The following PLPP4 variants were observed in gnomAD, a reference collection of about 807,000 sequenced individuals.
The protein encoded by PLPP4 is diacylglycerol pyrophosphate like 2.
Under a neutral mutation model 32.2 loss-of-function variants are expected in PLPP4, and 20 were observed. The observed-to-expected ratio is 0.62, with a 90% CI of 0.44 to 0.90. The LOEUF (loss-of-function observed/expected upper bound fraction) is 0.90, where lower values mean the gene tolerates loss of function less well. PLPP4 is among the 40% of genes least tolerant of loss of function. The pLI is 0.00. For synonymous variants in PLPP4, 127 were observed against 133.0 expected (o/e 0.95, Z 0.31); for missense variants, 257 against 353.1 (o/e 0.73, Z 2.18).
intron 5 of PLPP4, among the ~76,000 whole-genome samples, chr10:120,570,879 A>G (rs1160426420): frequency 6.6e-6 from 1 of 152,202 alleles, no homozygotes; most frequent in African/African-American, 2.4e-5. Context: ...GCCAGTGAGC[A>G]TCACCAAGTG....
At chr10:120,522,956 A>G (rs540213348) in intron 5 of PLPP4, among the ~76,000 whole-genome samples, 3 of 152,388 alleles carry the variant, frequency 2.0e-5, no homozygotes, top group Admixed American at 6.5e-5. Context: ...AGATGAGATC[A>G]TTCTGGATTT....
Position 120,498,490 on chromosome 10 carries a change from G to A in PLPP4, c.57-5328G>A, listed in dbSNP as rs368557352. ...TCCATGCCTCCTACTCATGTAAGGC[G>A]GTTTATTTTTGGTCATCAAACCTAA... On this transcript the variant is annotated intron_variant, in intron 1 of 6. Transcript: ENST00000398250. Among the ~76,000 whole-genome samples, 144 of 152,122 alleles carry A rather than the reference G, an allele frequency of 9.5e-4. 2 individuals carry two copies. In the South Asian group the frequency reaches 0.024, roughly 26 times the overall value.
chr10:120,495,351 A>T (rs1023160193), intron 1 of PLPP4, among the ~76,000 whole-genome samples: 2 of 152,184 alleles, frequency 1.3e-5, no homozygotes, highest in African/African-American at 4.8e-5. Flanking sequence ...GCTGGCCCAC[A>T]GGCTTACAGA....
chr10:120,540,955 A>T (rs1847312075), intron 5 of PLPP4, among the ~76,000 whole-genome samples: 1 of 152,222 alleles, frequency 6.6e-6, no homozygotes, highest in African/African-American at 2.4e-5. Flanking sequence ...CAGACCATGT[A>T]GAGCATTTTA....
At chr10:120,552,168 GTGT>G (rs1847935630) in intron 5 of PLPP4, among the ~76,000 whole-genome samples, 8 of 40,338 alleles carry the variant, frequency 2.0e-4, no homozygotes, top group Non-Finnish European at 4.2e-4. Flanking sequence ...GTGGTGGGGT[GTGT>G]GTGTGTGTGT....
chr10:120,496,035 C>T (rs1844948040), intron 1 of PLPP4, among the ~76,000 whole-genome samples: 1 of 152,122 alleles, frequency 6.6e-6, no homozygotes. Context: ...GGGATTTGGA[C>T]TAAGTCTAAT....
At chr10:120,512,402 A>T (rs754756450) in intron 2 of PLPP4, among the ~76,000 whole-genome samples, 4 of 152,198 alleles carry the variant, frequency 2.6e-5, no homozygotes, top group Non-Finnish European at 4.4e-5. Context: ...GCCACAGCTG[A>T]ATCATCAAAC....
At chr10:120,551,111 A>G (rs777780192) in intron 5 of PLPP4, among the ~76,000 whole-genome samples, 28 of 152,174 alleles carry the variant, frequency 1.8e-4, no homozygotes, top group Non-Finnish European at 3.8e-4. Context: ...CATAAAGGGA[A>G]CTGTATGTAT....
intron 1 of PLPP4, among the ~76,000 whole-genome samples, chr10:120,484,802 A>G (rs1844368950): frequency 6.6e-6 from 1 of 152,202 alleles, no homozygotes; most frequent in African/African-American, 2.4e-5. Context: ...TACATGGCCA[A>G]GGGAATTAAG....
intron 1 of PLPP4, among the ~76,000 whole-genome samples, chr10:120,500,841 A>G (rs747602300): frequency 1.3e-5 from 2 of 152,220 alleles, no homozygotes; most frequent in Admixed American, 6.5e-5. Flanking sequence ...TTGACCAGTT[A>G]GGATCTGTCT....
intron 6 of PLPP4, among the ~76,000 whole-genome samples, chr10:120,585,883 C>T (rs1324759962): frequency 6.6e-6 from 1 of 152,170 alleles, no homozygotes; most frequent in Non-Finnish European, 1.5e-5. Flanking sequence ...AATCCCCCCG[C>T]TACCCTGATG....
intron 2 of PLPP4, among the ~76,000 whole-genome samples, chr10:120,511,199 G>T: frequency 6.6e-6 from 1 of 152,182 alleles, no homozygotes; most frequent in East Asian, 1.9e-4. Context: ...AGTTGAGGCA[G>T]GGCGCAGTTC....
intron 5 of PLPP4, among the ~76,000 whole-genome samples, chr10:120,545,133 A>G (rs1377457877): frequency 6.6e-6 from 1 of 152,234 alleles, no homozygotes; most frequent in African/African-American, 2.4e-5. Context: ...GCACTGTGGC[A>G]GACACAAGGA....
At chr10:120,570,030 C>T (rs1848859958) in intron 5 of PLPP4, among the ~76,000 whole-genome samples, 1 of 152,226 alleles carries the variant, frequency 6.6e-6, no homozygotes, top group African/African-American at 2.4e-5. Context: ...TCTGAGCCTC[C>T]ATTTCTCATT....
intron 5 of PLPP4, among the ~76,000 whole-genome samples, chr10:120,535,265 C>T (rs1046057309): frequency 1.3e-5 from 2 of 151,974 alleles, no homozygotes; most frequent in African/African-American, 4.8e-5. Context: ...TGTTTACTTT[C>T]CAAATTTTTA....
intron 5 of PLPP4, among the ~76,000 whole-genome samples, chr10:120,544,528 A>C (rs1483240739): frequency 1.3e-5 from 2 of 152,058 alleles, no homozygotes; most frequent in Admixed American, 6.5e-5. Flanking sequence ...CCCACCTTCT[A>C]GGAAACTTCC....
Position 120,494,487 on chromosome 10 carries a change from G to A in PLPP4, c.57-9331G>A, listed in dbSNP as rs114208228. 6.7e-3 allele frequency among the ~76,000 whole-genome samples: 1,017 copies of A among 152,332 alleles called. 18 individuals carry two copies. Among genetic ancestry groups the A allele is most frequent in the African/African-American group, 0.023 (949 of 41,582 alleles). ...ATTTAGAGTGAGGGCACGAGGACAT[G>A]ACTCCCGGCTCTGCCTTGGTTGGGC... On this transcript the variant is annotated intron_variant, in intron 1 of 6. Coordinates refer to ENST00000398250, the MANE Select transcript of PLPP4 (RefSeq NM_001030059.3).
chr10:120,556,144 G>A (rs60837515), intron 5 of PLPP4, among the ~76,000 whole-genome samples: 196 of 152,312 alleles, frequency 1.3e-3, no homozygotes, highest in Middle Eastern at 6.8e-3. Flanking sequence ...GTATATGTAT[G>A]TGTATTTTAA....
chr10:120,464,821 C>A (rs544023309), intron 1 of PLPP4, among the ~76,000 whole-genome samples: 1 of 152,250 alleles, frequency 6.6e-6, no homozygotes, highest in South Asian at 2.1e-4. Context: ...CATCAGGCAC[C>A]CTCTCAGCCC....
Sources: allele counts gnomAD v4.1 joint callset (sites outside exome capture counted in the v4.1 genomes callset), GRCh38; gene constraint gnomAD v4.1.1; transcripts MANE v1.5; gene names NCBI Gene and HGNC (gene_info 2026-07-23, HGNC 2026-07-21).